LPIN2: variants seen among roughly 807,000 people sequenced by gnomAD.
The protein encoded by LPIN2 is phosphatidate phosphatase LPIN2.
Under a neutral mutation model 111.4 loss-of-function variants are expected in LPIN2, and 55 were observed. The ratio of observed to expected loss-of-function variants is 0.49; its 90% CI spans 0.40 to 0.62. LPIN2 has a LOEUF of 0.62. Among genes scored for constraint, LPIN2 ranks in the 20% least tolerant of loss-of-function variants. The probability of loss-of-function intolerance (pLI) is 0.00; values close to 1 mark genes in which losing one functional copy is unlikely to be tolerated. For missense variants in LPIN2, 992 were observed against 1,112.1 expected (o/e 0.89, Z 1.54); for synonymous variants, 425 against 414.0 (o/e 1.03, Z -0.32).
intron 7 of LPIN2, among the ~76,000 whole-genome samples, chr18:2,936,969 G>A (rs747166893): frequency 2.0e-5 from 3 of 152,124 alleles, no homozygotes; most frequent in Non-Finnish European, 4.4e-5. Flanking sequence ...TGATATTACT[G>A]CTAAAAAACC....
At chr18:2,953,527 T>C (rs1201479397) in intron 3 of LPIN2, among the ~76,000 whole-genome samples, 1 of 152,204 alleles carries the variant, frequency 6.6e-6, no homozygotes, top group African/African-American at 2.4e-5. Flanking sequence ...TCATAAATCA[T>C]AGTGTTTCAA....
chr18:2,996,423 T>C (rs16944167), intron 1 of LPIN2, among the ~76,000 whole-genome samples: 4,289 of 151,720 alleles, frequency 0.028, 192 homozygotes, highest in African/African-American at 0.098. Context: ...CATGGTGACG[T>C]TGCAGAAAAG....
chr18:2,926,755 C>A lies in LPIN2; in HGVS notation c.1761G>T (p.Leu587=). 1 of 1,613,612 alleles carries A rather than the reference C, an allele frequency of 6.2e-7. No homozygotes were observed. The highest frequency in any genetic ancestry group is 1.1e-5 in the South Asian group (1 of 91,080). ...CGGCCGGCTCCTTGGAGCTGGATGG[C>A]AGGTCACTGGCTGGCGGTGCCTCAG... is the stretch of plus-strand genomic sequence containing the variant. ...GKSEAPPASD[L]PSSSKEPAGA... is the part of the protein sequence containing the mutation. The change falls in exon 13 of 20, where the codon CTG becomes CTT. Residue 587 remains leucine (L), a synonymous_variant. Coordinates refer to ENST00000677752, the MANE Select transcript of LPIN2 (RefSeq NM_001375808.2).
rs906637429 is a variant in LPIN2 at position 2,931,105 on chromosome 18, T to C, written c.1456+151A>G. 3.4e-5 allele frequency: 31 copies of C among 905,262 alleles called. No individual in the cohort carries two copies. In the East Asian group the frequency reaches 5.9e-4, roughly 17 times the overall value. The allele number at this position is 905,262 out of a possible 1,614,324, so 56.1% of individuals were successfully genotyped here. ...TGTCAATTAAGACCTTAAGTGAGGG[T>C]ATAAGGGTCTGACATTACAGAACAT... On this transcript the variant is annotated intron_variant, in intron 9 of 19. Coordinates refer to ENST00000677752, the MANE Select transcript of LPIN2 (RefSeq NM_001375808.2).
chr18:3,003,678 C>T (rs1311774779), intron 1 of LPIN2, among the ~76,000 whole-genome samples: 1 of 152,170 alleles, frequency 6.6e-6, no homozygotes, highest in Non-Finnish European at 1.5e-5. Flanking sequence ...ACGTTATCTT[C>T]ATAAGCTGAG....
In LPIN2 at chr18:3,000,118, A is replaced by G. The variant is rs867603054; in HGVS notation, c.-10+12969T>C. 6.5e-4 allele frequency among the ~76,000 whole-genome samples: 94 copies of G among 144,286 alleles called. No homozygotes were observed. In the South Asian group the frequency reaches 7.3e-3, roughly 11 times the overall value. The allele number at this position is 144,286 out of a possible 152,430, so 94.7% of individuals were successfully genotyped here. A position where few individuals can be genotyped will look rare whatever the true frequency, so the allele number is the denominator to read the frequency against. On this transcript the variant is annotated intron_variant, in intron 1 of 19. Transcript: ENST00000677752. Reference sequence around the variant, plus strand: ...GGGGAAAGAGGGGAAGGAGGGGAAGAAGGAGGAGGAGGAGGAGGAGGAGAA... The same window carrying G: ...GGGGAAAGAGGGGAAGGAGGGGAAGGAGGAGGAGGAGGAGGAGGAGGAGAA...
At chr18:2,978,321 C>G (rs113359283) in intron 1 of LPIN2, among the ~76,000 whole-genome samples, 1,552 of 152,166 alleles carry the variant, frequency 0.01, 26 homozygotes, top group African/African-American at 0.035. Flanking sequence ...AGTAGAGAAA[C>G]CTGGAAGACA....
rs1568519786 is a variant in LPIN2 at position 2,927,820 on chromosome 18, A to C, written c.1621-9T>G. 3 of 1,613,800 alleles carry C rather than the reference A, an allele frequency of 1.9e-6. No homozygotes were observed. The highest frequency in any genetic ancestry group is 1.3e-5 in the African/African-American group (1 of 74,914). ...CAGGACTCAACTGTGGCCTGAAAACAACCAACCTGGGTTAGTCTGGGCAAT... is the reference window on the plus strand; with the variant it reads ...CAGGACTCAACTGTGGCCTGAAAACCACCAACCTGGGTTAGTCTGGGCAAT... On this transcript the variant is annotated splice_polypyrimidine_tract_variant and intron_variant, in intron 11 of 19. Coordinates refer to ENST00000677752, the MANE Select transcript of LPIN2 (RefSeq NM_001375808.2).
intron 1 of LPIN2, chr18:2,982,980 A>T: frequency 3.0e-6 from 1 of 334,926 alleles, no homozygotes; most frequent in Non-Finnish European, 5.9e-6. Flanking sequence ...CTTCTCCCCA[A>T]AGGAGATAAG....
intron 1 of LPIN2, among the ~76,000 whole-genome samples, chr18:2,989,412 A>G (rs2078231611): frequency 6.6e-6 from 1 of 152,232 alleles, no homozygotes; most frequent in Non-Finnish European, 1.5e-5. Context: ...TAACCTCAGT[A>G]AATAGAAAGA....
At chr18:2,980,400 G>C (rs569359732) in intron 1 of LPIN2, among the ~76,000 whole-genome samples, 7 of 152,302 alleles carry the variant, frequency 4.6e-5, no homozygotes, top group South Asian at 2.1e-4. Flanking sequence ...GTTGTTCTAG[G>C]AATCTGGGCA....
At position 3,004,907 on chromosome 18, in the gene LPIN2, T is replaced by C. The variant is rs148232003; in HGVS notation, c.-10+8180A>G. Among the ~76,000 whole-genome samples, 105 of 152,284 alleles carry C rather than the reference T, an allele frequency of 6.9e-4. 1 individual carries two copies. The highest frequency in any genetic ancestry group is 4.6e-3 in the South Asian group (22 of 4,822). ...TCCAAAGTGCACCAAGTAGGCATGG[T>C]AGGGCCACATCACCTCCCCATCTTC... On this transcript the variant is annotated intron_variant, in intron 1 of 19. Coordinates refer to ENST00000677752, the MANE Select transcript of LPIN2 (RefSeq NM_001375808.2).
intron 1 of LPIN2, among the ~76,000 whole-genome samples, chr18:2,966,819 A>C (rs116488698): frequency 6.6e-6 from 1 of 152,202 alleles, no homozygotes; most frequent in African/African-American, 2.4e-5. Context: ...GGAGCGCCAC[A>C]TGTCATGAGG....
chr18:2,936,893 G>T (rs2077293980), intron 7 of LPIN2, among the ~76,000 whole-genome samples: 1 of 152,094 alleles, frequency 6.6e-6, no homozygotes, highest in African/African-American at 2.4e-5. Context: ...ACCTATTTTA[G>T]AGGGAAATAA....
Position 2,917,655 on chromosome 18 carries a change from C to T in LPIN2, c.*2638G>A, listed in dbSNP as rs1333198397. On this transcript the variant is annotated 3_prime_UTR_variant, in exon 20 of 20. Coordinates refer to ENST00000677752, the MANE Select transcript of LPIN2 (RefSeq NM_001375808.2). ...TTTTTAGACAGAGCAAAACACAACA[C>T]AGTACCCAAAAACGGAGGCAGCCTG... is the stretch of plus-strand genomic sequence containing the variant. 6.6e-6 allele frequency: 1 copy of T among 152,314 alleles called. No homozygotes were observed. The highest frequency in any genetic ancestry group is 1.5e-5 in the Non-Finnish European group (1 of 68,060). 9.4% of individuals were successfully genotyped at this position (152,314 alleles called of 1,614,324 possible).
intron 1 of LPIN2, among the ~76,000 whole-genome samples, chr18:3,009,380 C>G (rs1284821062): frequency 6.6e-6 from 1 of 151,470 alleles, no homozygotes; most frequent in Non-Finnish European, 1.5e-5. Flanking sequence ...GCCTGGGTTA[C>G]AAACAAAAAA....
intron 1 of LPIN2, among the ~76,000 whole-genome samples, chr18:3,007,124 T>G (rs1247941295): frequency 1.3e-5 from 2 of 152,214 alleles, no homozygotes; most frequent in African/African-American, 2.4e-5. Flanking sequence ...TAAATTGACA[T>G]TACAGCTATG....
At chr18:2,920,562 T>C in intron 19 of LPIN2, 125 bp from the exon 20 acceptor site, 1 of 1,041,658 alleles carries the variant, frequency 9.6e-7, no homozygotes, top group Non-Finnish European at 1.5e-6. Flanking sequence ...CAGGCCTCAG[T>C]CCCATCACAG....
intron 1 of LPIN2, among the ~76,000 whole-genome samples, chr18:3,003,016 T>C (rs1427930534): frequency 8.5e-5 from 13 of 152,204 alleles, no homozygotes; most frequent in Non-Finnish European, 1.9e-4. Flanking sequence ...GACCTAGAGG[T>C]GGATGCGGGC....
Sources: allele counts gnomAD v4.1 joint callset (sites outside exome capture counted in the v4.1 genomes callset), GRCh38; gene constraint gnomAD v4.1.1; transcripts MANE v1.5; gene names NCBI Gene and HGNC (gene_info 2026-07-23, HGNC 2026-07-21).